NOL4L: variants seen among roughly 807,000 people sequenced by gnomAD.
NOL4L encodes the protein nucleolar protein 4 like.
In NOL4L, 7 loss-of-function variants were observed where a neutral mutation model predicts 64.5. That is an observed-to-expected ratio of 0.11 (90% CI 0.06 to 0.20). The LOEUF (loss-of-function observed/expected upper bound fraction) is 0.20, where lower values mean the gene tolerates loss of function less well. NOL4L is among the 10% of genes least tolerant of loss of function. NOL4L has a pLI of 1.00. For synonymous variants in NOL4L, 413 were observed against 401.0 expected (o/e 1.03, Z -0.36); for missense variants, 680 against 967.1 (o/e 0.70, Z 3.94).
intron 5 of NOL4L, among the ~76,000 whole-genome samples, chr20:32,471,523 G>C (rs1276490531): frequency 2.0e-5 from 3 of 152,200 alleles, no homozygotes; most frequent in Admixed American, 2.0e-4. Flanking sequence ...AATCTTTAAA[G>C]AAGGGCCCCA....
intron 1 of NOL4L, among the ~76,000 whole-genome samples, chr20:32,531,953 G>C (rs1248318591): frequency 6.6e-6 from 1 of 152,024 alleles, no homozygotes; most frequent in African/African-American, 2.4e-5. Flanking sequence ...ATATGCTAAG[G>C]CTCCCACAAA....
intron 5 of NOL4L, among the ~76,000 whole-genome samples, chr20:32,473,794 C>T (rs931138510): frequency 6.6e-6 from 1 of 152,190 alleles, no homozygotes; most frequent in Non-Finnish European, 1.5e-5. Context: ...GGCTCCTACA[C>T]CCCAGTTCTT....
At chr20:32,504,682 G>A (rs2017069667) in intron 4 of NOL4L, among the ~76,000 whole-genome samples, 1 of 150,860 alleles carries the variant, frequency 6.6e-6, no homozygotes, top group South Asian at 2.1e-4. Flanking sequence ...TCTGCTCACT[G>A]CAACCTCTGC....
At chr20:32,511,322 G>A in intron 4 of NOL4L, 25 bp downstream of exon 4, 1 of 1,461,858 alleles carries the variant, frequency 6.8e-7, no homozygotes, top group Non-Finnish European at 9.4e-7. Context: ...CCTCCAGGTG[G>A]GGTGAGGGGA....
intron 1 of NOL4L, among the ~76,000 whole-genome samples, chr20:32,571,810 C>T (rs930182306): frequency 2.6e-5 from 4 of 152,240 alleles, no homozygotes; most frequent in Admixed American, 6.5e-5. Flanking sequence ...TTAGGCCCCA[C>T]CCGCTGAGGG....
chr20:32,486,134 G>T (rs2016078000), intron 4 of NOL4L, among the ~76,000 whole-genome samples: 2 of 152,234 alleles, frequency 1.3e-5, no homozygotes, highest in Admixed American at 1.3e-4. Context: ...GAGTTTTCAT[G>T]TGTGTGTGCT....
At position 32,456,240 on chromosome 20, in the gene NOL4L, T is replaced by C; in HGVS notation, c.997A>G (p.Ile333Val). The C allele has an allele frequency of 6.2e-7, 1 of 1,608,006 alleles. No individual in the cohort carries two copies. The highest frequency in any genetic ancestry group is 1.1e-5 in the South Asian group (1 of 90,052). The change falls in exon 6 of 11, where the codon ATC (isoleucine) becomes GTC (valine). Residue 333 changes from isoleucine (I) to valine (V), a missense_variant. This residue lies in a region of NOL4L where 254 missense variants were observed against 238.7 expected (regional missense o/e 1.06). Transcript: ENST00000621426. ...DFTTAAEDQP[I>V]NLCDKLPPAT... ...GGCGGGAGCTTGTCACACAGGTTGA[T>C]GGGCTGATCCTCGGCGGCCGTGGTG...
intron 1 of NOL4L, chr20:32,565,145 C>T (rs1979344181): frequency 6.6e-6 from 1 of 152,392 alleles, no homozygotes; most frequent in African/African-American, 2.4e-5. Flanking sequence ...GGGCGTGCAT[C>T]TGGATGACAA....
At chr20:32,455,096 A>G (rs2013353585) in intron 6 of NOL4L, among the ~76,000 whole-genome samples, 1 of 152,228 alleles carries the variant, frequency 6.6e-6, no homozygotes, top group Non-Finnish European at 1.5e-5. Context: ...GCCACTCCTC[A>G]GCCAAACCCT....
intron 5 of NOL4L, among the ~76,000 whole-genome samples, chr20:32,461,416 CTTTTCT>C (rs1489310744): frequency 0.07 from 4,281 of 61,074 alleles, 297 homozygotes; most frequent in African/African-American, 0.21. Context: ...CTCTACCTTT[CTTTTCT>C]TTTTTTTTTT....
intron 5 of NOL4L, among the ~76,000 whole-genome samples, chr20:32,458,317 G>C (rs112940653): frequency 6.6e-6 from 1 of 152,212 alleles, no homozygotes; most frequent in South Asian, 2.1e-4. Flanking sequence ...GCAGATGGCA[G>C]CCAGCCTTCA....
chr20:32,584,104 C>A (rs1412421151), intron 1 of NOL4L, among the ~76,000 whole-genome samples: 3 of 140,462 alleles, frequency 2.1e-5, no homozygotes, highest in Non-Finnish European at 4.8e-5. Context: ...CTCCCCCCCC[C>A]CCACCCCGCG....
At position 32,578,395 on chromosome 20, in the gene NOL4L, G is replaced by GT. The variant is rs541817715; in HGVS notation, c.321+6174dup. The stretch of plus-strand genomic sequence containing the variant: ...GCCCATGGGCCTAGCCTCGTTCTCT[G>GT]TTTTTTTTGAGACAGAGTCTCCCTC... On this transcript the variant is annotated intron_variant, in intron 1 of 10. Coordinates refer to ENST00000621426, the MANE Select transcript of NOL4L (RefSeq NM_001256798.2). Among the ~76,000 whole-genome samples the GT allele has an allele frequency of 3.3e-3, 495 of 151,930 alleles. 5 individuals carry two copies. The highest frequency in any genetic ancestry group is 0.011 in the African/African-American group (461 of 41,438).
At position 32,495,528 on chromosome 20, in the gene NOL4L, T is replaced by G. The variant is rs148144974; in HGVS notation, c.699+15819A>C. 1.4e-4 allele frequency among the ~76,000 whole-genome samples: 22 copies of G among 152,322 alleles called. No individual in the cohort carries two copies. The East Asian group carries it at 4.3e-3, about 29-fold the overall frequency. ...CATTGCCAGCAACATGCCTGTCTGCTGCTGACCCCTGACCCACTCAACTTC... is the reference window on the plus strand; with the variant it reads ...CATTGCCAGCAACATGCCTGTCTGCGGCTGACCCCTGACCCACTCAACTTC... On this transcript the variant is annotated intron_variant, in intron 4 of 10. Transcript: ENST00000621426.
intron 5 of NOL4L, among the ~76,000 whole-genome samples, chr20:32,472,443 G>A (rs896579334): frequency 1.8e-4 from 28 of 152,198 alleles, no homozygotes; most frequent in African/African-American, 4.8e-5. Context: ...GGGCTAAAGC[G>A]GGTGCCTCTG....
chr20:32,524,247 GGA>G (rs988091918), intron 2 of NOL4L, among the ~76,000 whole-genome samples: 1 of 152,080 alleles, frequency 6.6e-6, no homozygotes, highest in African/African-American at 2.4e-5. Context: ...CCCTGGTGCT[GGA>G]GAGACCTCCG....
At chr20:32,466,390 G>A (rs1310444415) in intron 5 of NOL4L, among the ~76,000 whole-genome samples, 4 of 152,144 alleles carry the variant, frequency 2.6e-5, no homozygotes, top group African/African-American at 7.2e-5. Flanking sequence ...GGGATCTCTC[G>A]GTGCTGTCTC....
At chr20:32,565,834 A>G (rs1979392905) in intron 1 of NOL4L, among the ~76,000 whole-genome samples, 1 of 152,196 alleles carries the variant, frequency 6.6e-6, no homozygotes, top group African/African-American at 2.4e-5. Context: ...GTTGGAGACC[A>G]GACTGGGCAA....
intron 4 of NOL4L, among the ~76,000 whole-genome samples, chr20:32,483,966 T>A (rs1218307920): frequency 6.7e-6 from 1 of 149,986 alleles, no homozygotes; most frequent in Non-Finnish European, 1.5e-5. Context: ...TGCACGGGGC[T>A]GAGCCCGGAA....
Sources: allele counts gnomAD v4.1 joint callset (sites outside exome capture counted in the v4.1 genomes callset), GRCh38; gene constraint gnomAD v4.1.1; regional missense constraint gnomAD v4.1.1; transcripts MANE v1.5; gene names NCBI Gene and HGNC (gene_info 2026-07-23, HGNC 2026-07-21).